Variants in EPS15 observed in about 807,000 individuals in gnomAD.
EPS15 encodes epidermal growth factor receptor substrate 15.
EPS15 carries 72 observed loss-of-function variants against 113.8 expected under a neutral mutation model. The observed-to-expected ratio is 0.63, with a 90% CI of 0.52 to 0.77. The LOEUF (loss-of-function observed/expected upper bound fraction) is 0.77, where lower values mean the gene tolerates loss of function less well. Ranked by LOEUF, EPS15 falls within the 30% of genes least tolerant of loss-of-function variation. EPS15 has a pLI of 0.00. For synonymous variants in EPS15, 344 were observed against 363.4 expected, an observed-to-expected ratio of 0.95 and a Z score of 0.61; for missense variants, 1,048 against 1,045.8, an observed-to-expected ratio of 1.00 and a Z score of -0.03.
intron 6 of EPS15, among the ~76,000 whole-genome samples, chr1:51,464,316 T>G (rs996182345): frequency 6.6e-6 from 1 of 151,300 alleles, no homozygotes; most frequent in Non-Finnish European, 1.5e-5. Flanking sequence ...CTCAGCTCAC[T>G]GTAGCCTCCA....
rs375526468 is a variant in EPS15 at position 51,497,284 on chromosome 1, T to G, written c.34-15970A>C. Among the ~76,000 whole-genome samples the G allele has an allele frequency of 1.1e-4, 17 of 152,334 alleles. No homozygotes were observed. The East Asian group carries it at 3.1e-3, about 28-fold the overall frequency. On this transcript the variant is annotated intron_variant, in intron 1 of 24. Coordinates refer to ENST00000371733, the MANE Select transcript of EPS15 (RefSeq NM_001981.3). ...TAACCAGTCAGCTAGCAAATTTCTT[T>G]TGTCATTCTCATCCATTTTAAGAAG...
chr1:51,400,180 C>A (rs72694185), intron 19 of EPS15, among the ~76,000 whole-genome samples: 2,333 of 152,196 alleles, frequency 0.015, 19 homozygotes, highest in Middle Eastern at 0.031. Flanking sequence ...AATGAAAATT[C>A]CCAGAAAAAG....
At chr1:51,470,143 T>C (rs546186566) in intron 4 of EPS15, among the ~76,000 whole-genome samples, 1 of 152,332 alleles carries the variant, frequency 6.6e-6, no homozygotes, top group South Asian at 2.1e-4. Context: ...GTGAAATAAT[T>C]CTGCATTAAA....
chr1:51,385,566 A>G (rs1030399578), intron 21 of EPS15, among the ~76,000 whole-genome samples: 2 of 152,206 alleles, frequency 1.3e-5, no homozygotes, highest in African/African-American at 4.8e-5. Flanking sequence ...AATTATACCC[A>G]AAAGAACTGA....
At chr1:51,446,814 A>C (rs941890174) in intron 10 of EPS15, 146 bp downstream of exon 10, 1 of 669,666 alleles carries the variant, frequency 1.5e-6, no homozygotes, top group African/African-American at 1.8e-5. Context: ...TCCATTAGCC[A>C]GAAGAATTCT....
chr1:51,403,973 C>A (rs542820828), intron 16 of EPS15, among the ~76,000 whole-genome samples: 1 of 152,140 alleles, frequency 6.6e-6, no homozygotes, highest in African/African-American at 2.4e-5. Context: ...TGGATGTGAT[C>A]GTGACCCTTC....
chr1:51,439,307 T>C (rs1293147956), intron 12 of EPS15, among the ~76,000 whole-genome samples: 7 of 152,110 alleles, frequency 4.6e-5, no homozygotes, highest in African/African-American at 1.7e-4. Context: ...AACTGAAAAA[T>C]TCTAACAACC....
At chr1:51,376,404 C>T (rs1376489473) in intron 21 of EPS15, among the ~76,000 whole-genome samples, 1 of 152,218 alleles carries the variant, frequency 6.6e-6, no homozygotes, top group Admixed American at 6.5e-5. Context: ...TGGCTCACGT[C>T]TGTAATCCCA....
chr1:51,376,446 T>G (rs1646801512), intron 21 of EPS15, among the ~76,000 whole-genome samples: 1 of 152,286 alleles, frequency 6.6e-6, no homozygotes, highest in South Asian at 2.1e-4. Flanking sequence ...GGCAGATCAC[T>G]TGAGGTCAGG....
rs562854033 is a variant in EPS15, at chr1:51,451,280, G to C, written c.562-3145C>G. 4.9e-4 allele frequency among the ~76,000 whole-genome samples: 75 copies of C among 151,890 alleles called. 3 individuals are homozygous for C. The South Asian group carries it at 0.015, about 31-fold the overall frequency. On this transcript the variant is annotated intron_variant, in intron 8 of 24. Transcript: ENST00000371733. ...GAGGTGGGTGGATCACCTGAGGTCA[G>C]GAGTTCGAAACCAGCCTGGCCAACA...
intron 11 of EPS15, among the ~76,000 whole-genome samples, chr1:51,441,243 T>A (rs1045913617): frequency 2.0e-5 from 3 of 152,134 alleles, no homozygotes; most frequent in African/African-American, 7.2e-5. Flanking sequence ...ATTTTATAAA[T>A]GTAAGCTATT....
chr1:51,478,519 G>A (rs1393179527), intron 2 of EPS15, among the ~76,000 whole-genome samples: 2 of 151,136 alleles, frequency 1.3e-5, no homozygotes, highest in South Asian at 2.1e-4. Flanking sequence ...TGGTTGTTTC[G>A]CTTGTTAGTT....
chr1:51,457,898 T>C (rs1654138091), intron 8 of EPS15: 2 of 152,062 alleles, frequency 1.3e-5, no homozygotes, highest in African/African-American at 2.4e-5. Flanking sequence ...AAGTTGATAA[T>C]AAGCAACAGT....
At chr1:51,431,712 G>A (rs556267520) in intron 12 of EPS15, among the ~76,000 whole-genome samples, 5 of 152,080 alleles carry the variant, frequency 3.3e-5, no homozygotes, top group African/African-American at 1.2e-4. Context: ...CTCCCAAAGT[G>A]CTGGGATTAC....
At chr1:51,400,712 C>CAAAAAAAAAAAAAAAAAAAAA (rs375748381) in intron 19 of EPS15, among the ~76,000 whole-genome samples, 13 of 60,166 alleles carry the variant, frequency 2.2e-4, no homozygotes, top group Non-Finnish European at 3.8e-4. Context: ...CAAAAAACAC[C>CAAAAAAAAAAAAAAAAAAAAA]AAAAAAAAAA....
At position 51,354,561 on chromosome 1, in the gene EPS15, G is replaced by GT. The variant is rs1284063159; in HGVS notation, c.*2138dup. On this transcript the variant is annotated 3_prime_UTR_variant, in exon 25 of 25. Coordinates refer to ENST00000371733, the MANE Select transcript of EPS15 (RefSeq NM_001981.3). ...GTATGTAGAAGACATTTAAAACTTT[G>GT]TAAGTAGTGCCACTTAGCTCTGGGC... The GT allele has an allele frequency of 1.3e-5, 2 of 151,868 alleles. No homozygotes were observed. The highest frequency in any genetic ancestry group is 3.8e-4 in the East Asian group (2 of 5,196). 9.4% of individuals were successfully genotyped at this position (151,868 alleles called of 1,614,324 possible). A position where few individuals can be genotyped will look rare whatever the true frequency, so the allele number is the denominator to read the frequency against.
At chr1:51,489,873 C>G (rs1644199762) in intron 1 of EPS15, among the ~76,000 whole-genome samples, 1 of 152,196 alleles carries the variant, frequency 6.6e-6, no homozygotes, top group African/African-American at 2.4e-5. Context: ...GACTGCTCCT[C>G]CAGCCCGGAT....
chr1:51,422,448 T>A (rs1258949051), intron 12 of EPS15, among the ~76,000 whole-genome samples: 1 of 152,158 alleles, frequency 6.6e-6, no homozygotes, highest in Non-Finnish European at 1.5e-5. Flanking sequence ...GGACCATATA[T>A]CAAATCCAAT....
chr1:51,401,133 T>C, intron 18 of EPS15, 180 bp from the exon 19 acceptor site: 1 of 454,644 alleles, frequency 2.2e-6, no homozygotes, highest in Non-Finnish European at 3.9e-6. Flanking sequence ...TATACTTACC[T>C]TGATCACAAG....
Sources: allele counts gnomAD v4.1 joint callset (sites outside exome capture counted in the v4.1 genomes callset), GRCh38; gene constraint gnomAD v4.1.1; transcripts MANE v1.5; gene names NCBI Gene and HGNC (gene_info 2026-07-23, HGNC 2026-07-21).